Variants in SLC6A12 observed in about 807,000 individuals in gnomAD.
The protein encoded by SLC6A12 is sodium- and chloride-dependent betaine transporter.
A neutral mutation model predicts 73.3 loss-of-function variants in SLC6A12; 50 were observed. The ratio of observed to expected loss-of-function variants is 0.68; its 90% CI spans 0.54 to 0.86. SLC6A12 has a LOEUF of 0.86. Ranked by LOEUF, SLC6A12 falls within the 40% of genes least tolerant of loss-of-function variation. SLC6A12 has a pLI of 0.00. For synonymous variants in SLC6A12, 304 were observed against 309.2 expected, an observed-to-expected ratio of 0.98 and a Z score of 0.18; for missense variants, 648 against 772.8, an observed-to-expected ratio of 0.84 and a Z score of 1.92.
Position 209,780 on chromosome 12 carries a change from G to A in SLC6A12, c.207C>T (p.Asn69=), listed in dbSNP as rs377046544. 22 of 1,614,028 alleles carry A rather than the reference G, an allele frequency of 1.4e-5. No individual in the cohort carries two copies. Among genetic ancestry groups the A allele is most frequent in the African/African-American group, 1.1e-4 (8 of 74,920 alleles). Residue 69 remains asparagine, a synonymous_variant, in exon 3 of 16, where the codon AAC becomes AAT. Coordinates refer to ENST00000684302, the MANE Select transcript of SLC6A12 (RefSeq NM_001122848.3). ...ACCTCAAAGTGAACTCACCACCTCC[G>A]TTTTTGTAGCAGAGATAGGGAAACC... The part of the protein sequence containing the change: ...VWRFPYLCYK[N]GGGAFFIPYF...
rs1004552823 is a variant in SLC6A12, at chr12:198,227, G to A, written c.847-224C>T. Among the ~76,000 whole-genome samples, 2 of 152,224 alleles carry A rather than the reference G, an allele frequency of 1.3e-5. No individual in the cohort carries two copies. Among genetic ancestry groups the A allele is most frequent in the Non-Finnish European group, 2.9e-5 (2 of 68,042 alleles). On this transcript the variant is annotated intron_variant, in intron 8 of 15. Coordinates refer to ENST00000684302, the MANE Select transcript of SLC6A12 (RefSeq NM_001122848.3). The surrounding 1 kb of genome is among the most constrained non-coding windows in gnomAD (Gnocchi z 4.0). ...GTTTGGTTCTGTAGGCACTTAGTGA[G>A]TACCAAATACATGTGTGTTGCTTGG...
At position 196,106 on chromosome 12, in the gene SLC6A12, C is replaced by T. The variant is rs1398438859; in HGVS notation, c.1326+18G>A. On this transcript the variant is annotated intron_variant, in intron 12 of 15. Coordinates refer to ENST00000684302, the MANE Select transcript of SLC6A12 (RefSeq NM_001122848.3). ...CCTCCCCTGGAGCCTGGCCTGCAGG[C>T]CGGCGGCCGCAGCTCACCTCGGTGA... 1.3e-6 allele frequency: 2 copies of T among 1,550,804 alleles called. No homozygotes were observed. Among genetic ancestry groups the T allele is most frequent in the African/African-American group, 1.4e-5 (1 of 73,372 alleles).
Position 201,998 on chromosome 12 carries a change from G to GAACGCA in SLC6A12, c.491-150_491-149insTGCGTT. On this transcript the variant is annotated intron_variant, in intron 5 of 15. Transcript: ENST00000684302. ...CCCCCACTCTCCAGGGCATCAGGAG[G>GAACGCA]CTCATAGGGCCAGCTCTTCCTCCCC... 4.7e-6 allele frequency: 3 copies of GAACGCA among 634,358 alleles called. No homozygotes were observed. The South Asian group carries it at 5.7e-5, about 12-fold the overall frequency. 39.3% of individuals were successfully genotyped at this position (634,358 alleles called of 1,614,324 possible). A position where few individuals can be genotyped will look rare whatever the true frequency, so the allele number is the denominator to read the frequency against.
intron 13 of SLC6A12, 64 bp from the exon 14 acceptor site, chr12:193,441 G>A (rs1454621625): frequency 1.6e-6 from 2 of 1,288,668 alleles, no homozygotes; most frequent in African/African-American, 1.5e-5. Context: ...CCGGTGTTTG[G>A]GAAAGACCCA....
chr12:203,018 G>A (rs1415288231), intron 4 of SLC6A12, 138 bp from the exon 5 acceptor site: 2 of 490,636 alleles, frequency 4.1e-6, no homozygotes, highest in African/African-American at 2.0e-5. Context: ...CCAGTGGCAT[G>A]AGAAGCCATT....
downstream of SLC6A12, among the ~76,000 whole-genome samples, chr12:188,621 C>CA (rs1388234402): frequency 3.9e-5 from 6 of 152,232 alleles, no homozygotes; most frequent in African/African-American, 1.4e-4. Flanking sequence ...TGTCACCTCT[C>CA]AAAAGCAAAC....
intron 7 of SLC6A12, among the ~76,000 whole-genome samples, chr12:200,207 C>G (rs1940150891): frequency 1.3e-5 from 2 of 148,524 alleles, no homozygotes; most frequent in Non-Finnish European, 3.0e-5. Context: ...CTCCCGGGTT[C>G]ACGCCATTCT....
At chr12:208,500 C>T (rs1940760617) in intron 3 of SLC6A12, among the ~76,000 whole-genome samples, 1 of 152,058 alleles carries the variant, frequency 6.6e-6, no homozygotes, top group African/African-American at 2.4e-5. Flanking sequence ...TTCTACCTTC[C>T]TGAAATGTTT....
rs1940968037 is a variant in SLC6A12 at position 213,040 on chromosome 12, G to C, written c.-143+882C>G. Among the ~76,000 whole-genome samples, 1 of 152,184 alleles carries C rather than the reference G, an allele frequency of 6.6e-6. No homozygotes were observed. Among genetic ancestry groups the C allele is most frequent in the Admixed American group, 6.5e-5 (1 of 15,286 alleles). ...AAAGTTAAGTCTGTTTTCAGGAGCT[G>C]GGCATGTCGCCAGAGGCCCAGCTGG... On this transcript the variant is annotated intron_variant, in intron 1 of 15. Coordinates refer to ENST00000684302, the MANE Select transcript of SLC6A12 (RefSeq NM_001122848.3). The surrounding 1 kb of genome is among the most constrained non-coding windows in gnomAD (Gnocchi z 5.3).
chr12:187,603 A>AGC (rs1565461314), downstream of SLC6A12, among the ~76,000 whole-genome samples: 13 of 12,114 alleles, frequency 1.1e-3, no homozygotes, highest in African/African-American at 1.6e-3. Flanking sequence ...AAAAAAAAAA[A>AGC]AAAAAAAAAA....
Position 200,334 on chromosome 12 carries a change from T to C in SLC6A12, c.711+317A>G, listed in dbSNP as rs556654906. ...CGTGTTAGCCAGGATGGTCTCGATC[T>C]CCTGACCTCGTGATCCGCCAGCCTC... On this transcript the variant is annotated intron_variant, in intron 7 of 15. Transcript: ENST00000684302. 6.7e-3 allele frequency among the ~76,000 whole-genome samples: 1,016 copies of C among 152,012 alleles called. 14 individuals are homozygous for C. The highest frequency in any genetic ancestry group is 0.023 in the African/African-American group (959 of 41,380).
the SLC6A12 span, among the ~76,000 whole-genome samples, chr12:185,053 AAGAG>A: frequency 0.017 from 2,537 of 152,338 alleles, 43 homozygotes; most frequent in Middle Eastern, 0.092. Flanking sequence ...GAAGGAAGAT[AAGAG>A]AAAGAATCAT....
chr12:188,466 C>T (rs369503673), downstream of SLC6A12, among the ~76,000 whole-genome samples: 2,657 of 131,830 alleles, frequency 0.02, 49 homozygotes, highest in Middle Eastern at 0.11. Context: ...CCCTCCACAC[C>T]TCTCTGCAAG....
intron 10 of SLC6A12, 140 bp from the exon 11 acceptor site, chr12:197,022 T>C: frequency 7.9e-6 from 3 of 381,732 alleles, no homozygotes; most frequent in Non-Finnish European, 1.4e-5. Flanking sequence ...ACTGTTCTTC[T>C]CTTTCCAGGC....
chr12:197,285 C>T (rs1939969592), intron 10 of SLC6A12, 92 bp downstream of exon 10: 1 of 1,396,556 alleles, frequency 7.2e-7, no homozygotes. Flanking sequence ...ATCATATTGC[C>T]CATCTTCTGG....
intron 9 of SLC6A12, 57 bp from the exon 10 acceptor site, chr12:197,558 G>C (rs1310147098): frequency 1.3e-6 from 2 of 1,559,484 alleles, no homozygotes; most frequent in African/African-American, 2.7e-5. Context: ...GGAAGAGAGA[G>C]AGATCAGTCA....
At chr12:184,851 T>G in the SLC6A12 span, among the ~76,000 whole-genome samples, 1 of 151,920 alleles carries the variant, frequency 6.6e-6, no homozygotes, top group East Asian at 1.9e-4. Flanking sequence ...GAGAATCACT[T>G]GAACCCAGGA....
At chr12:185,834 G>A (rs1409173368), downstream of SLC6A12, among the ~76,000 whole-genome samples, 1 of 152,220 alleles carries the variant, frequency 6.6e-6, no homozygotes, top group African/African-American at 2.4e-5. Flanking sequence ...TGTGCCACCT[G>A]CCAGGCTTGG....
chr12:196,203 C>T lies in SLC6A12; in HGVS notation c.1247G>A (p.Arg416Gln), dbSNP rs149207141. 1.8e-4 allele frequency: 287 copies of T among 1,594,052 alleles called. No individual in the cohort carries two copies. Among genetic ancestry groups the T allele is most frequent in the Non-Finnish European group, 2.1e-4 (246 of 1,171,770 alleles). The change falls in exon 12 of 16, where the codon CGG (arginine) becomes CAG (glutamine). Residue 416 changes from arginine to glutamine, a missense_variant. By Grantham distance (43) the Arg-to-Gln change is conservative. Coordinates refer to ENST00000684302, the MANE Select transcript of SLC6A12 (RefSeq NM_001122848.3). ...GAGGAGCTCGCGCCGCCCGCTCTTC[C>T]GGAGCTGCCTGGGGAACATGTCTAT... ...ASIDMFPRQLRKSGRRELLIL... is the reference protein window; with the variant it reads ...ASIDMFPRQLQKSGRRELLIL...
Sources: allele counts gnomAD v4.1 joint callset (sites outside exome capture counted in the v4.1 genomes callset), GRCh38; gene constraint gnomAD v4.1.1; non-coding constraint Gnocchi (gnomAD v3.1); transcripts MANE v1.5; gene names NCBI Gene and HGNC (gene_info 2026-07-23, HGNC 2026-07-21).